GABRB3: variants seen among roughly 807,000 people sequenced by gnomAD.
GABRB3 encodes gamma-aminobutyric acid receptor subunit beta-3.
Under a neutral mutation model 52.1 loss-of-function variants are expected in GABRB3, and 14 were observed. That is an observed-to-expected ratio of 0.27 (90% CI 0.18 to 0.42). GABRB3 has a LOEUF of 0.42. Among genes scored for constraint, GABRB3 ranks in the 10% least tolerant of loss-of-function variants. GABRB3 has a pLI of 1.00. For synonymous variants in GABRB3, 260 were observed against 232.3 expected (o/e 1.12, Z -1.08); for missense variants, 307 against 609.1 (o/e 0.50, Z 5.22).
intron 4 of GABRB3, among the ~76,000 whole-genome samples, chr15:26,610,408 C>T (rs1892024092): frequency 6.6e-6 from 1 of 152,160 alleles, no homozygotes; most frequent in African/African-American, 2.4e-5. Context: ...ATTTCAGTAA[C>T]AGATTTTGGT....
rs534542486 is a variant in GABRB3 at position 26,678,834 on chromosome 15, G to A, written c.241-57300C>T. On this transcript the variant is annotated intron_variant, in intron 3 of 8. Transcript: ENST00000311550. Reference sequence around the variant, plus strand: ...GTGTTTCTCTGTCCCAGATGAAAGTGTACCTCACTGAGGCTGAGTTCAGTT... The same window carrying A: ...GTGTTTCTCTGTCCCAGATGAAAGTATACCTCACTGAGGCTGAGTTCAGTT... Among the ~76,000 whole-genome samples the A allele has an allele frequency of 3.9e-5, 6 of 152,284 alleles. No individual in the cohort carries two copies. In the East Asian group the frequency reaches 9.7e-4, roughly 25 times the overall value.
chr15:26,707,965 T>C (rs945913117), intron 3 of GABRB3, among the ~76,000 whole-genome samples: 2 of 152,180 alleles, frequency 1.3e-5, no homozygotes, highest in African/African-American at 4.8e-5. Flanking sequence ...CAATTGATCA[T>C]CCCCAACCCC....
chr15:26,547,938 G>T lies in GABRB3; in HGVS notation c.1277C>A (p.Thr426Asn). The T allele has an allele frequency of 6.2e-7, 1 of 1,614,200 alleles. No individual in the cohort carries two copies. Among genetic ancestry groups the T allele is most frequent in the Non-Finnish European group, 8.5e-7 (1 of 1,180,044 alleles). The change falls in exon 9 of 9, where the codon ACC becomes AAC. Residue 426 changes from threonine to asparagine, a missense_variant. Physicochemically the swap from Thr to Asn is moderately conservative, Grantham distance 65 (BLOSUM62 0). Transcript: ENST00000311550. The stretch of plus-strand genomic sequence containing the variant: ...CTGTGAAGACCTCCTCCGTAGATGG[G>T]TCTTCTTGTGCGGGAGGCTTCTGTC... Reference protein sequence around the residue: ...LGDRSLPHKKTHLRRRSSQLK... With the variant: ...LGDRSLPHKKNHLRRRSSQLK...
intron 7 of GABRB3, among the ~76,000 whole-genome samples, chr15:26,565,119 C>T (rs1449433991): frequency 1.3e-5 from 2 of 152,162 alleles, no homozygotes; most frequent in Admixed American, 6.5e-5. Context: ...GAGAATGTGG[C>T]ACCTAACTAT....
At chr15:26,758,602 T>C (rs559061821) in intron 3 of GABRB3, among the ~76,000 whole-genome samples, 5 of 152,246 alleles carry the variant, frequency 3.3e-5, no homozygotes, top group African/African-American at 2.4e-5. Context: ...ATTGACCTTT[T>C]CTTCTTAATC....
chr15:26,642,144 C>T (rs893528420), intron 3 of GABRB3, among the ~76,000 whole-genome samples: 6 of 152,180 alleles, frequency 3.9e-5, no homozygotes, highest in Admixed American at 2.0e-4. Context: ...CCTTCTGCCT[C>T]GGTCTCCCAA....
chr15:26,712,075 T>C lies in GABRB3; in HGVS notation c.240+60327A>G, dbSNP rs560670994. Among the ~76,000 whole-genome samples, 383 of 152,026 alleles carry C rather than the reference T, an allele frequency of 2.5e-3. 5 individuals are homozygous for C. The highest frequency in any genetic ancestry group is 4.8e-3 in the Non-Finnish European group (326 of 67,966). Reference sequence around the variant, plus strand: ...CGTCATGCACTGGTGAGACAGCAGGTTGGAGCACAGGGCCTAAGTGGGAGG... The same window carrying C: ...CGTCATGCACTGGTGAGACAGCAGGCTGGAGCACAGGGCCTAAGTGGGAGG... On this transcript the variant is annotated intron_variant, in intron 3 of 8. Transcript: ENST00000311550.
intron 2 of GABRB3, 81 bp downstream of exon 2, chr15:26,772,600 A>C: frequency 7.0e-7 from 1 of 1,422,648 alleles, no homozygotes; most frequent in Non-Finnish European, 9.5e-7. Context: ...TGCTCCGCGG[A>C]TGCGGCCCCC....
intron 4 of GABRB3, among the ~76,000 whole-genome samples, chr15:26,595,787 A>G (rs975934290): frequency 6.6e-6 from 1 of 152,144 alleles, no homozygotes; most frequent in Non-Finnish European, 1.5e-5. Flanking sequence ...AAGAGCCTGG[A>G]CCATAAATCC....
chr15:26,594,035 C>A (rs959541919), intron 4 of GABRB3, among the ~76,000 whole-genome samples: 1 of 146,420 alleles, frequency 6.8e-6, no homozygotes, highest in African/African-American at 2.5e-5. Context: ...GATGTAGTAT[C>A]TCATTGTGGT....
At chr15:26,743,776 G>C (rs893726453) in intron 3 of GABRB3, among the ~76,000 whole-genome samples, 2 of 152,144 alleles carry the variant, frequency 1.3e-5, no homozygotes, top group Non-Finnish European at 2.9e-5. Context: ...CCTTGCACCA[G>C]TTGCATTCCT....
At chr15:26,577,067 T>A (rs138894146) in intron 6 of GABRB3, among the ~76,000 whole-genome samples, 4 of 152,030 alleles carry the variant, frequency 2.6e-5, no homozygotes, top group Admixed American at 2.6e-4. Flanking sequence ...ATGAGCAAGA[T>A]AGACAGGATA....
intron 4 of GABRB3, among the ~76,000 whole-genome samples, chr15:26,607,003 C>A (rs1239771578): frequency 6.6e-6 from 1 of 152,068 alleles, no homozygotes; most frequent in Non-Finnish European, 1.5e-5. Flanking sequence ...CCAATCCCCA[C>A]GGCCATACTT....
chr15:26,607,970 C>G (rs1374369498), intron 4 of GABRB3, among the ~76,000 whole-genome samples: 1 of 151,754 alleles, frequency 6.6e-6, no homozygotes, highest in Non-Finnish European at 1.5e-5. Flanking sequence ...TTATAAAATT[C>G]ATATGGAACC....
At chr15:26,571,083 T>C (rs1324570257) in intron 6 of GABRB3, among the ~76,000 whole-genome samples, 3 of 152,212 alleles carry the variant, frequency 2.0e-5, no homozygotes, top group Non-Finnish European at 4.4e-5. Context: ...TGAAATCCCA[T>C]GGTAACTTCA....
chr15:26,648,593 G>T (rs1887089470), intron 3 of GABRB3, among the ~76,000 whole-genome samples: 1 of 152,214 alleles, frequency 6.6e-6, no homozygotes, highest in Non-Finnish European at 1.5e-5. Context: ...GGAGCGGCAG[G>T]AGAACCAGGC....
At chr15:26,726,020 C>A (rs1405187121) in intron 3 of GABRB3, among the ~76,000 whole-genome samples, 1 of 152,138 alleles carries the variant, frequency 6.6e-6, no homozygotes, top group African/African-American at 2.4e-5. Context: ...TCATTTTACT[C>A]CTCATTGTGG....
At chr15:26,629,535 A>G (rs1475080066) in intron 3 of GABRB3, among the ~76,000 whole-genome samples, 1 of 152,162 alleles carries the variant, frequency 6.6e-6, no homozygotes, top group African/African-American at 2.4e-5. Context: ...TGGAGAGGTC[A>G]GAGCTTGCAA....
intron 4 of GABRB3, chr15:26,614,151 C>A: frequency 6.6e-6 from 1 of 152,272 alleles, no homozygotes. Context: ...AGCTGCTCCC[C>A]ATTTTGATAG....
Sources: allele counts gnomAD v4.1 joint callset (sites outside exome capture counted in the v4.1 genomes callset), GRCh38; gene constraint gnomAD v4.1.1; transcripts MANE v1.5; gene names NCBI Gene and HGNC (gene_info 2026-07-23, HGNC 2026-07-21).